ATP6V1H: variants seen among roughly 807,000 people sequenced by gnomAD.
ATP6V1H encodes V-type proton ATPase subunit H.
A neutral mutation model predicts 71.7 loss-of-function variants in ATP6V1H; 39 were observed. The observed-to-expected ratio is 0.54, with a 90% CI of 0.42 to 0.71. The LOEUF is 0.71. ATP6V1H is among the 30% of genes least tolerant of loss of function. ATP6V1H has a pLI of 0.00. For synonymous variants in ATP6V1H, 192 were observed against 199.3 expected (o/e 0.96, Z 0.31); for missense variants, 509 against 594.9 (o/e 0.86, Z 1.50).
intron 9 of ATP6V1H, among the ~76,000 whole-genome samples, chr8:53,788,200 T>C (rs758613439): frequency 2.6e-5 from 4 of 152,206 alleles, no homozygotes; most frequent in Non-Finnish European, 4.4e-5. Context: ...ATTCACATAA[T>C]AAGTGCATTA....
At chr8:53,784,232 G>A (rs571012287) in intron 9 of ATP6V1H, among the ~76,000 whole-genome samples, 169 of 152,258 alleles carry the variant, frequency 1.1e-3, no homozygotes, top group African/African-American at 3.6e-3. Context: ...CTCCTGTATT[G>A]GGTGCATATA....
intron 9 of ATP6V1H, among the ~76,000 whole-genome samples, chr8:53,772,682 C>T (rs921623591): frequency 2.0e-5 from 3 of 152,090 alleles, no homozygotes; most frequent in African/African-American, 4.8e-5. Context: ...TTGCGACATT[C>T]GGGCAAATTC....
chr8:53,819,984 A>C (rs1007625688), intron 4 of ATP6V1H, among the ~76,000 whole-genome samples: 2 of 151,870 alleles, frequency 1.3e-5, no homozygotes, highest in African/African-American at 4.8e-5. Flanking sequence ...CAGGATAACA[A>C]GACAGAGAAT....
chr8:53,741,849 C>T (rs951442732), intron 13 of ATP6V1H, among the ~76,000 whole-genome samples: 2 of 152,124 alleles, frequency 1.3e-5, no homozygotes, highest in African/African-American at 4.8e-5. Flanking sequence ...CTGAATCTAC[C>T]CCAAGTCCAT....
chr8:53,798,214 G>A (rs1265204989), intron 8 of ATP6V1H, among the ~76,000 whole-genome samples: 5 of 152,120 alleles, frequency 3.3e-5, no homozygotes, highest in Non-Finnish European at 5.9e-5. Flanking sequence ...AGATTAAAAT[G>A]TGCTGGGTTT....
chr8:53,785,860 G>A (rs968959591), intron 9 of ATP6V1H, among the ~76,000 whole-genome samples: 2 of 152,082 alleles, frequency 1.3e-5, no homozygotes, highest in South Asian at 2.1e-4. Context: ...GCGGATATTC[G>A]TGAACCACAA....
chr8:53,721,137 GA>G (rs1363599261), intron 13 of ATP6V1H, among the ~76,000 whole-genome samples: 1 of 152,070 alleles, frequency 6.6e-6, no homozygotes, highest in East Asian at 1.9e-4. Context: ...TGGTAAAGGG[GA>G]AAAATAAATC....
intron 12 of ATP6V1H, among the ~76,000 whole-genome samples, chr8:53,749,445 G>C (rs1407665285): frequency 6.6e-6 from 1 of 152,090 alleles, no homozygotes; most frequent in African/African-American, 2.4e-5. Flanking sequence ...GTTTCAGCTC[G>C]GCCCTTGACC....
intron 5 of ATP6V1H, among the ~76,000 whole-genome samples, chr8:53,816,930 CA>C (rs1810472139): frequency 6.6e-6 from 1 of 152,284 alleles, no homozygotes; most frequent in South Asian, 2.1e-4. Context: ...CCACTACAAA[CA>C]CTGTAGAGCT....
chr8:53,817,499 T>C lies in ATP6V1H; in HGVS notation c.338A>G (p.Asp113Gly). The C allele has an allele frequency of 6.2e-7, 1 of 1,612,628 alleles. No individual in the cohort carries two copies. Among genetic ancestry groups the C allele is most frequent in the Non-Finnish European group, 8.5e-7 (1 of 1,179,218 alleles). Residue 113 changes from aspartate (D) to glycine (G), a missense_variant, in exon 5 of 14, where the codon GAC becomes GGC. This residue lies in a region of ATP6V1H where 297 missense variants were observed against 303.3 expected (regional missense o/e 0.98). Coordinates refer to ENST00000359530, the MANE Select transcript of ATP6V1H (RefSeq NM_015941.4). ...ENHQRVSIFF[D>G]YARCSKNTAW... ...AGTGTTCTTGCTACATCTTGCATAGTCAAAGAAAATGCTAACACGCTGATG... is the reference window on the plus strand; with the variant it reads ...AGTGTTCTTGCTACATCTTGCATAGCCAAAGAAAATGCTAACACGCTGATG...
At chr8:53,826,658 G>A (rs72655187) in intron 4 of ATP6V1H, among the ~76,000 whole-genome samples, 11,604 of 152,048 alleles carry the variant, frequency 0.076, 634 homozygotes, top group Middle Eastern at 0.16. Flanking sequence ...AAAAACCAAT[G>A]ATATTGGGCT....
intron 9 of ATP6V1H, among the ~76,000 whole-genome samples, chr8:53,785,437 G>A (rs943004915): frequency 2.0e-5 from 3 of 152,068 alleles, no homozygotes; most frequent in South Asian, 2.1e-4. Flanking sequence ...TTAGCCATTC[G>A]TCTAATTTTT....
At chr8:53,720,449 AG>A (rs1806574919) in intron 13 of ATP6V1H, among the ~76,000 whole-genome samples, 1 of 152,218 alleles carries the variant, frequency 6.6e-6, no homozygotes, top group African/African-American at 2.4e-5. Context: ...GGCATTCTGA[AG>A]GTGACTGACT....
chr8:53,728,621 G>GC lies in ATP6V1H; in HGVS notation c.1392-12598dup, dbSNP rs571527033. The stretch of plus-strand genomic sequence containing the variant: ...CAGATCCCCTGCTTTGTCCCTTCTG[G>GC]CAACGCCATCCACTCGACGGCATTT... On this transcript the variant is annotated intron_variant, in intron 13 of 13. Transcript: ENST00000359530. Among the ~76,000 whole-genome samples, 344 of 152,230 alleles carry GC rather than the reference G, an allele frequency of 2.3e-3. 2 individuals are homozygous for GC. Among genetic ancestry groups the GC allele is most frequent in the African/African-American group, 8.0e-3 (333 of 41,544 alleles).
At chr8:53,785,663 G>A (rs968677081) in intron 9 of ATP6V1H, among the ~76,000 whole-genome samples, 1 of 152,082 alleles carries the variant, frequency 6.6e-6, no homozygotes, top group Non-Finnish European at 1.5e-5. Flanking sequence ...CCCCATCTTT[G>A]TGGTTTTATC....
intron 3 of ATP6V1H, among the ~76,000 whole-genome samples, chr8:53,830,427 T>C (rs1810969051): frequency 6.6e-6 from 1 of 152,170 alleles, no homozygotes; most frequent in South Asian, 2.1e-4. Context: ...CGCCTACCTA[T>C]GAATCATGTC....
At chr8:53,799,215 A>G (rs1809836175) in intron 8 of ATP6V1H, among the ~76,000 whole-genome samples, 1 of 152,114 alleles carries the variant, frequency 6.6e-6, no homozygotes, top group Admixed American at 6.6e-5. Context: ...ACCACATATT[A>G]TTGAATTTTA....
At chr8:53,729,750 G>A (rs1179906444) in intron 13 of ATP6V1H, among the ~76,000 whole-genome samples, 2 of 152,220 alleles carry the variant, frequency 1.3e-5, no homozygotes, top group African/African-American at 4.8e-5. Context: ...AGGCTACCAG[G>A]AGAACTGCCC....
At position 53,840,236 on chromosome 8, in the gene ATP6V1H, G is replaced by A. The variant is rs541086308; in HGVS notation, c.113+1342C>T. ...ATTAGAGCCGGGCACGGTGGCTCACGCCTGTAATCCCAGCACTTTGGGAGG... is the reference window on the plus strand; with the variant it reads ...ATTAGAGCCGGGCACGGTGGCTCACACCTGTAATCCCAGCACTTTGGGAGG... On this transcript the variant is annotated intron_variant, in intron 2 of 13. Transcript: ENST00000359530. Among the ~76,000 whole-genome samples, 20 of 152,270 alleles carry A rather than the reference G, an allele frequency of 1.3e-4. No homozygotes were observed. In the South Asian group the frequency reaches 3.7e-3, roughly 28 times the overall value.
Sources: gnomAD v4.1 joint callset for allele counts (sites outside exome capture counted in the v4.1 genomes callset) on GRCh38, gnomAD v4.1.1 for gene constraint, gnomAD v4.1.1 regional missense constraint, MANE v1.5 for transcripts, NCBI Gene and HGNC (gene_info 2026-07-23, HGNC 2026-07-21) for gene names.